Variants in CDH12 observed in about 807,000 individuals in gnomAD.
The protein encoded by CDH12 is cadherin-12.
Under a neutral mutation model 74.1 loss-of-function variants are expected in CDH12, and 41 were observed. That is an observed-to-expected ratio of 0.55 (90% CI 0.43 to 0.72). CDH12 has a LOEUF of 0.72. Among genes scored for constraint, CDH12 ranks in the 30% least tolerant of loss-of-function variants. The pLI is 0.00. For synonymous variants in CDH12, 399 were observed against 355.0 expected (o/e 1.12, Z -1.39); for missense variants, 945 against 977.2 (o/e 0.97, Z 0.44).
At chr5:22,080,671 G>A (rs962243332) in intron 4 of CDH12, among the ~76,000 whole-genome samples, 3 of 151,984 alleles carry the variant, frequency 2.0e-5, no homozygotes, top group Non-Finnish European at 4.4e-5. Flanking sequence ...TTCAAAGACA[G>A]TACAAAAAAT....
chr5:22,101,405 TTTC>T lies in CDH12; in HGVS notation c.-186-22546_-186-22544del, dbSNP rs758247464. Among the ~76,000 whole-genome samples, 8 of 152,308 alleles carry T rather than the reference TTTC, an allele frequency of 5.3e-5. No homozygotes were observed. The South Asian group carries it at 6.2e-4, about 12-fold the overall frequency. The stretch of plus-strand genomic sequence containing the variant: ...TGCAACATTATAGAACACAACTGTT[TTTC>T]TTCTTCTTCTTTCTTTTACATACTT... On this transcript the variant is annotated intron_variant, in intron 4 of 14. Coordinates refer to ENST00000382254, the MANE Select transcript of CDH12 (RefSeq NM_004061.5).
chr5:22,570,318 G>T (rs185173095), intron 1 of CDH12, among the ~76,000 whole-genome samples: 93 of 152,022 alleles, frequency 6.1e-4, no homozygotes, highest in African/African-American at 2.1e-3. Context: ...TGAAGTGCTG[G>T]GATTACAGGC....
intron 1 of CDH12, among the ~76,000 whole-genome samples, chr5:22,507,317 GAGTT>G (rs1216118298): frequency 6.6e-6 from 1 of 151,932 alleles, no homozygotes; most frequent in Admixed American, 6.6e-5. Context: ...CAAAAAGTCT[GAGTT>G]AGCTCAATTA....
At position 22,484,360 on chromosome 5, in the gene CDH12, G is replaced by A. The variant is rs570669641; in HGVS notation, c.-428+20910C>T. Among the ~76,000 whole-genome samples the A allele has an allele frequency of 3.9e-5, 6 of 152,284 alleles. No individual in the cohort carries two copies. In the East Asian group the frequency reaches 9.7e-4, roughly 25 times the overall value. On this transcript the variant is annotated intron_variant, in intron 2 of 14. Transcript: ENST00000382254. ...TGGAAGACAACGATTTTGAGGGGAA[G>A]CAAAGTGGAGAATTAAAGAGAGTAG...
chr5:22,546,111 AT>A (rs999056329), intron 1 of CDH12, among the ~76,000 whole-genome samples: 5 of 151,704 alleles, frequency 3.3e-5, no homozygotes, highest in Non-Finnish European at 7.4e-5. Context: ...CGCCTGGCTT[AT>A]TTTTTGCGTT....
chr5:22,519,675 G>C (rs201276003), intron 1 of CDH12, among the ~76,000 whole-genome samples: 1 of 151,898 alleles, frequency 6.6e-6, no homozygotes, highest in South Asian at 2.1e-4. Flanking sequence ...TGCTCACCTC[G>C]GTCAAATTAT....
chr5:22,529,090 A>T, intron 1 of CDH12, among the ~76,000 whole-genome samples: 2 of 108,596 alleles, frequency 1.8e-5, no homozygotes, highest in Admixed American at 1.5e-4. Flanking sequence ...TATGCATGCA[A>T]AACATGAATA....
chr5:22,087,958 TA>T (rs903445374), intron 4 of CDH12, among the ~76,000 whole-genome samples: 29 of 152,264 alleles, frequency 1.9e-4, no homozygotes, highest in African/African-American at 6.7e-4. Context: ...GTTGTAGTAA[TA>T]CCATCAAAAT....
intron 3 of CDH12, among the ~76,000 whole-genome samples, chr5:22,278,581 G>T (rs1736740089): frequency 6.6e-6 from 1 of 151,948 alleles, no homozygotes; most frequent in Non-Finnish European, 1.5e-5. Context: ...GACACTTGAA[G>T]GATACATTAA....
At chr5:22,772,301 A>G (rs1476078858) in intron 1 of CDH12, among the ~76,000 whole-genome samples, 1 of 152,102 alleles carries the variant, frequency 6.6e-6, no homozygotes, top group East Asian at 1.9e-4. Flanking sequence ...AGGAACAGCA[A>G]GAAGGCCACT....
At chr5:21,875,191 T>C (rs1751863812) in intron 6 of CDH12, among the ~76,000 whole-genome samples, 2 of 152,326 alleles carry the variant, frequency 1.3e-5, no homozygotes, top group South Asian at 4.1e-4. Flanking sequence ...AAAGATTTTG[T>C]GTGCTATTTT....
rs76880480 is a variant in CDH12 at position 22,594,594 on chromosome 5, T to C, written c.-522-89230A>G. On this transcript the variant is annotated intron_variant, in intron 1 of 14. Coordinates refer to ENST00000382254, the MANE Select transcript of CDH12 (RefSeq NM_004061.5). ...AATATACTTGGAAGAATTCCTGACA[T>C]AGAGTATAAGCTCAGTAAATATTTG... Among the ~76,000 whole-genome samples the C allele has an allele frequency of 6.1e-4, 93 of 152,022 alleles. No homozygotes were observed. In the Middle Eastern group the frequency reaches 0.01, roughly 17 times the overall value.
chr5:22,825,418 T>C (rs11743201), intron 1 of CDH12, among the ~76,000 whole-genome samples: 102,581 of 151,922 alleles, frequency 0.68, 35,018 homozygotes, highest in Admixed American at 0.72. Flanking sequence ...GAGAAGATGA[T>C]ATTTAAATAA....
At chr5:22,392,426 T>A (rs1339927990) in intron 3 of CDH12, among the ~76,000 whole-genome samples, 1 of 152,206 alleles carries the variant, frequency 6.6e-6, no homozygotes, top group East Asian at 1.9e-4. Context: ...ATTTTGTGAC[T>A]TTGGGCAAAA....
chr5:22,193,965 G>A lies in CDH12; in HGVS notation c.-187+18533C>T, dbSNP rs535220193. On this transcript the variant is annotated intron_variant, in intron 4 of 14. Transcript: ENST00000382254. ...TAGGGACTGCAAGGGAGAAAGGAATGTTTTATTGAAATAAGTGGACATTAT... is the reference window on the plus strand; with the variant it reads ...TAGGGACTGCAAGGGAGAAAGGAATATTTTATTGAAATAAGTGGACATTAT... 2.6e-4 allele frequency among the ~76,000 whole-genome samples: 39 copies of A among 152,262 alleles called. 1 individual carries two copies. The South Asian group carries it at 4.1e-3, about 16-fold the overall frequency.
intron 1 of CDH12, among the ~76,000 whole-genome samples, chr5:22,722,802 G>T (rs190536124): frequency 2.0e-5 from 3 of 152,238 alleles, no homozygotes; most frequent in African/African-American, 7.2e-5. Flanking sequence ...GAAAATAACT[G>T]CTCTCTAAAG....
At chr5:22,124,634 T>G (rs1343149187) in intron 4 of CDH12, among the ~76,000 whole-genome samples, 1 of 152,258 alleles carries the variant, frequency 6.6e-6, no homozygotes, top group African/African-American at 2.4e-5. Flanking sequence ...GTTGCTTTCC[T>G]TCTTCCTTTA....
At chr5:22,763,209 A>G (rs1255085364) in intron 1 of CDH12, among the ~76,000 whole-genome samples, 1 of 151,958 alleles carries the variant, frequency 6.6e-6, no homozygotes, top group African/African-American at 2.4e-5. Flanking sequence ...CCACATCTCT[A>G]GATTTTACCT....
chr5:22,239,866 C>CT (rs896500648), intron 3 of CDH12, among the ~76,000 whole-genome samples: 1 of 151,992 alleles, frequency 6.6e-6, no homozygotes. Context: ...TTTTTATTTC[C>CT]TTTTTGCTTT....
Sources: gnomAD v4.1 joint callset for allele counts (sites outside exome capture counted in the v4.1 genomes callset) on GRCh38, gnomAD v4.1.1 for gene constraint, MANE v1.5 for transcripts, NCBI Gene and HGNC (gene_info 2026-07-23, HGNC 2026-07-21) for gene names.